PKHD1L1: variants seen among roughly 807,000 people sequenced by gnomAD.
PKHD1L1 encodes fibrocystin-L.
Under a neutral mutation model 462.9 loss-of-function variants are expected in PKHD1L1, and 434 were observed. The ratio of observed to expected loss-of-function variants is 0.94; its 90% confidence interval spans 0.87 to 1.02. The LOEUF (loss-of-function observed/expected upper bound fraction) is 1.02. Ranked by LOEUF, PKHD1L1 falls within the 50% of genes least tolerant of loss-of-function variation. The pLI is 0.00. For synonymous variants in PKHD1L1, 1,781 were observed against 1,750.0 expected, an observed-to-expected ratio of 1.02 and a Z score of -0.44; for missense variants, 5,202 against 5,096.1, an observed-to-expected ratio of 1.02 and a Z score of -0.63.
At chr8:109,481,372 A>G in intron 55 of PKHD1L1, 61 bp from the exon 56 acceptor site, 1 of 1,456,522 alleles carries the variant, frequency 6.9e-7, no homozygotes, top group Non-Finnish European at 9.1e-7. Context: ...TTCCTTTTTT[A>G]TGGGTGGATT....
intron 69 of PKHD1L1, 32 bp downstream of exon 69, chr8:109,507,927 G>A (rs201661769): frequency 3.1e-5 from 50 of 1,595,080 alleles, no homozygotes; most frequent in Admixed American, 8.5e-5. Flanking sequence ...CTGTCATTAG[G>A]CCTTAAACTC....
At chr8:109,379,528 G>A (rs1444181464) in intron 2 of PKHD1L1, among the ~76,000 whole-genome samples, 1 of 152,142 alleles carries the variant, frequency 6.6e-6, no homozygotes, top group Non-Finnish European at 1.5e-5. Context: ...ACATCCTGTG[G>A]GGTGGGACCC....
rs778949029 is a variant in PKHD1L1 at position 109,522,303 on chromosome 8, C to A, written c.12149C>A (p.Pro4050His). 10 of 1,605,218 alleles carry A rather than the reference C, an allele frequency of 6.2e-6. No individual in the cohort carries two copies. The African/African-American group carries it at 1.3e-4, about 22-fold the overall frequency. ...FNISSMSITN[P>H]LPSPSDSGWI... ...ATTTCGTCCATGTCTATTACTAATCCCCTCCCCAGCCCAAGTGACTCTGGG... is the reference window on the plus strand; with the variant it reads ...ATTTCGTCCATGTCTATTACTAATCACCTCCCCAGCCCAAGTGACTCTGGG... Residue 4050 changes from proline to histidine, a missense_variant, in exon 74 of 78, where the codon CCC becomes CAC. Physicochemically the swap from Pro to His is moderately conservative, Grantham distance 77. This residue lies in a region of PKHD1L1 where 698 missense variants were observed against 736.3 expected (regional missense o/e 0.95). Transcript: ENST00000378402.
At position 109,530,753 on chromosome 8, in the gene PKHD1L1, C is replaced by G. The variant is rs1054917822; in HGVS notation, c.*663C>G. Among the ~76,000 whole-genome samples the G allele has an allele frequency of 5.9e-5, 9 of 152,122 alleles. No homozygotes were observed. The highest frequency in any genetic ancestry group is 5.9e-5 in the Non-Finnish European group (4 of 68,024). Reference sequence around the variant, plus strand: ...GAACTTTTGGAACAAGTCCAAACTCCTTCTCTGCCTACCCCTCCTTCCCAC... The same window carrying G: ...GAACTTTTGGAACAAGTCCAAACTCGTTCTCTGCCTACCCCTCCTTCCCAC... On this transcript the variant is annotated 3_prime_UTR_variant, in exon 78 of 78. Transcript: ENST00000378402.
At chr8:109,367,146 A>G (rs1282001439) in intron 2 of PKHD1L1, among the ~76,000 whole-genome samples, 1 of 152,232 alleles carries the variant, frequency 6.6e-6, no homozygotes, top group Admixed American at 6.5e-5. Context: ...GGTGCCCATA[A>G]TATATACAGA....
At chr8:109,381,699 T>C (rs1228042797) in intron 3 of PKHD1L1, among the ~76,000 whole-genome samples, 185 bp downstream of exon 3, 1 of 152,150 alleles carries the variant, frequency 6.6e-6, no homozygotes, top group African/African-American at 2.4e-5. Context: ...TCAATTTTAA[T>C]TGGCATGATA....
At chr8:109,429,737 A>C (rs1030937302) in intron 26 of PKHD1L1, among the ~76,000 whole-genome samples, 195 bp from the exon 27 acceptor site, 13 of 152,210 alleles carry the variant, frequency 8.5e-5, no homozygotes, top group Non-Finnish European at 1.2e-4. Flanking sequence ...GTAAAGATGA[A>C]GAAATTAAAG....
chr8:109,382,805 C>G (rs181259530), intron 4 of PKHD1L1, among the ~76,000 whole-genome samples: 4 of 151,502 alleles, frequency 2.6e-5, no homozygotes, highest in African/African-American at 9.7e-5. Context: ...TTTTGTACTT[C>G]AAACATGTTT....
Position 109,479,996 on chromosome 8 carries a change from T to C in PKHD1L1, c.9184T>C (p.Trp3062Arg), listed in dbSNP as rs775177416. 3.2e-6 allele frequency: 5 copies of C among 1,572,900 alleles called. No homozygotes were observed. The East Asian group carries it at 9.1e-5, about 28-fold the overall frequency. ...GANVIIPEGT[W>R]IVADIDMPSM... ...CTTAAAGTATTGTTTTATAGGAACA[T>C]GGATTGTAGCTGACATAGATATGCC... The change falls in exon 55 of 78, where the codon TGG (tryptophan) becomes CGG (arginine). Residue 3062 changes from tryptophan to arginine, a missense_variant. By Grantham distance (101) the Trp-to-Arg change is moderately radical (BLOSUM62 -3). This residue lies in a region of PKHD1L1 where 4,497 missense variants were observed against 4,336.8 expected (regional missense o/e 1.04). Coordinates refer to ENST00000378402, the MANE Select transcript of PKHD1L1 (RefSeq NM_177531.6).
chr8:109,464,584 T>C lies in PKHD1L1; in HGVS notation c.7752T>C (p.Phe2584=), dbSNP rs1817320543. 1 of 1,613,022 alleles carries C rather than the reference T, an allele frequency of 6.2e-7. No individual in the cohort carries two copies. Among genetic ancestry groups the C allele is most frequent in the African/African-American group, 1.3e-5 (1 of 74,888 alleles). ...NAVAGGTHFG[F]WYRMNNHPDG... is the part of the protein sequence containing the mutation. ...TTGCTGGTGGCACTCACTTTGGCTT[T>C]TGGTACCGGATGAACAACCACCCTG... is the stretch of plus-strand genomic sequence containing the variant. Residue 2584 remains phenylalanine, a synonymous_variant, in exon 49 of 78, where the codon TTT becomes TTC. Coordinates refer to ENST00000378402, the MANE Select transcript of PKHD1L1 (RefSeq NM_177531.6).
rs930194643 is a variant in PKHD1L1 at position 109,437,464 on chromosome 8, G to C, written c.3628-860G>C. On this transcript the variant is annotated intron_variant, in intron 30 of 77. Coordinates refer to ENST00000378402, the MANE Select transcript of PKHD1L1 (RefSeq NM_177531.6). ...CCCATTAACTTGTCATTTAACATTA[G>C]GTATATCTCCTAATGCTATCCCTCC... Among the ~76,000 whole-genome samples the C allele has an allele frequency of 6.0e-5, 9 of 150,780 alleles. No homozygotes were observed. The South Asian group carries it at 1.1e-3, about 18-fold the overall frequency.
intron 22 of PKHD1L1, 77 bp downstream of exon 22, chr8:109,419,337 C>A (rs540556055): frequency 8.8e-7 from 1 of 1,136,834 alleles, no homozygotes; most frequent in Non-Finnish European, 1.2e-6. Context: ...TTATATTCTG[C>A]AGTATGGATA....
Position 109,408,150 on chromosome 8 carries a change from C to G in PKHD1L1, c.1915C>G (p.Leu639Val). Residue 639 changes from leucine to valine, a missense_variant, in exon 18 of 78, where the codon CTG becomes GTG. Leu to Val is a conservative substitution (Grantham distance 32). Coordinates refer to ENST00000378402, the MANE Select transcript of PKHD1L1 (RefSeq NM_177531.6). ...AAAACCCAACTTGGAGACATTCACA[C>G]TGAATTGGGATGGGATCGCTTCTAA... ...KGKPNLETFTLNWDGIASKPL... is the reference protein window; with the variant it reads ...KGKPNLETFTVNWDGIASKPL... 1 of 1,613,106 alleles carries G rather than the reference C, an allele frequency of 6.2e-7. No homozygotes were observed.
At position 109,491,888 on chromosome 8, in the gene PKHD1L1, G is replaced by A; in HGVS notation, c.10130G>A (p.Gly3377Glu). 3.7e-6 allele frequency: 6 copies of A among 1,602,350 alleles called. No individual in the cohort carries two copies. Among genetic ancestry groups the A allele is most frequent in the East Asian group, 2.2e-5 (1 of 44,758 alleles). The part of the protein sequence containing the change: ...FTVGEGIRIW[G>E]NANRVRGNLI... Reference sequence around the variant, plus strand: ...TTTTAAACAGGCATAAGAATATGGGGGAATGCCAACCGAGTCCGAGGGAAT... The same window carrying A: ...TTTTAAACAGGCATAAGAATATGGGAGAATGCCAACCGAGTCCGAGGGAAT... The change falls in exon 62 of 78, where the codon GGG becomes GAG. Residue 3377 changes from glycine (G) to glutamate (E), a missense_variant. Gly to Glu is a moderately conservative substitution (Grantham distance 98, BLOSUM62 -2). Transcript: ENST00000378402.
chr8:109,427,191 A>C (rs373409810), intron 25 of PKHD1L1, 35 bp downstream of exon 25: 1 of 1,521,980 alleles, frequency 6.6e-7, no homozygotes, highest in Admixed American at 1.7e-5. Flanking sequence ...CTTTTCTTCT[A>C]TGTGCTGTTT....
intron 68 of PKHD1L1, among the ~76,000 whole-genome samples, chr8:109,505,309 C>A (rs1819635742): frequency 6.6e-6 from 1 of 152,002 alleles, no homozygotes; most frequent in African/African-American, 2.4e-5. Context: ...CACAGGTACC[C>A]CAAATGTGCT....
In PKHD1L1 at chr8:109,483,099, T is replaced by C; in HGVS notation, c.9570T>C (p.Asp3190=). The C allele has an allele frequency of 3.8e-6, 6 of 1,575,980 alleles. No homozygotes were observed. Among genetic ancestry groups the C allele is most frequent in the South Asian group, 2.3e-5 (2 of 86,104 alleles). ...SKVLSLMDAV[D]WQEGEEIVIT... ...TCCTGTCTCTGATGGATGCTGTGGATTGGCAGGTAGACAAAATAATTATGT... is the reference window on the plus strand; with the variant it reads ...TCCTGTCTCTGATGGATGCTGTGGACTGGCAGGTAGACAAAATAATTATGT... The change falls in exon 57 of 78, where the codon GAT becomes GAC. Residue 3190 remains aspartate (D), a synonymous_variant. Transcript: ENST00000378402.
At chr8:109,398,201 A>AT (rs1245246052) in intron 11 of PKHD1L1, among the ~76,000 whole-genome samples, 1 of 152,090 alleles carries the variant, frequency 6.6e-6, no homozygotes, top group African/African-American at 2.4e-5. Context: ...GTATTATCAA[A>AT]TTTTTTATCT....
chr8:109,480,288 C>A, intron 55 of PKHD1L1, 149 bp downstream of exon 55: 1 of 804,880 alleles, frequency 1.2e-6, no homozygotes, highest in Non-Finnish European at 1.9e-6. Context: ...CAGTTAAGTC[C>A]AATATATTTC....
Sources: allele counts gnomAD v4.1 joint callset (sites outside exome capture counted in the v4.1 genomes callset), GRCh38; gene constraint gnomAD v4.1.1; regional missense constraint gnomAD v4.1.1; transcripts MANE v1.5; gene names NCBI Gene and HGNC (gene_info 2026-07-23, HGNC 2026-07-21).